TCF7L2: variants seen among roughly 807,000 people sequenced by gnomAD.
TCF7L2 encodes the protein transcription factor 7-like 2.
TCF7L2 carries 23 observed loss-of-function variants against 77.9 expected under a neutral mutation model. The observed-to-expected ratio is 0.30, with a 90% CI of 0.21 to 0.42. The LOEUF (loss-of-function observed/expected upper bound fraction) is 0.42. Ranked by LOEUF, TCF7L2 falls within the 10% of genes least tolerant of loss-of-function variation. TCF7L2 has a pLI of 1.00. For missense variants in TCF7L2, 654 were observed against 793.1 expected, an observed-to-expected ratio of 0.82 and a Z score of 2.11; for synonymous variants, 413 against 340.2, an observed-to-expected ratio of 1.21 and a Z score of -2.36.
intron 13 of TCF7L2, among the ~76,000 whole-genome samples, chr10:113,164,367 T>C (rs1272087624): frequency 1.3e-5 from 2 of 152,200 alleles, no homozygotes; most frequent in Non-Finnish European, 2.9e-5. Context: ...AAAATTAGTC[T>C]TTCTGGTTTA....
chr10:113,080,120 G>A (rs1379378200), intron 5 of TCF7L2, among the ~76,000 whole-genome samples: 1 of 151,608 alleles, frequency 6.6e-6, no homozygotes, highest in African/African-American at 2.4e-5. Flanking sequence ...ACAATTTAGG[G>A]TTTTCCCCCT....
At chr10:113,160,575 C>T (rs1158905705) in intron 12 of TCF7L2, 4 of 1,541,176 alleles carry the variant, frequency 2.6e-6, no homozygotes, top group Non-Finnish European at 3.5e-6. Flanking sequence ...CTGAGCACGA[C>T]CCACCATTGT....
chr10:113,075,460 C>CA (rs2058586779), intron 5 of TCF7L2, among the ~76,000 whole-genome samples: 1 of 19,896 alleles, frequency 5.0e-5, no homozygotes, highest in Admixed American at 5.6e-4. Flanking sequence ...ACTCTGTGTC[C>CA]AAAAAAAAAA....
chr10:113,159,542 A>G (rs2072690067), intron 12 of TCF7L2, among the ~76,000 whole-genome samples: 1 of 152,096 alleles, frequency 6.6e-6, no homozygotes, highest in South Asian at 2.1e-4. Flanking sequence ...AAATTGAGAG[A>G]AAAAAGGGAA....
intron 4 of TCF7L2, among the ~76,000 whole-genome samples, chr10:113,023,223 AAAGT>A (rs1195890820): frequency 1.3e-5 from 2 of 152,204 alleles, no homozygotes; most frequent in Non-Finnish European, 2.9e-5. Flanking sequence ...CGGTGTCTGC[AAAGT>A]GAGTTGGGCT....
chr10:113,074,139 C>T (rs576170876), intron 5 of TCF7L2, among the ~76,000 whole-genome samples: 1 of 152,300 alleles, frequency 6.6e-6, no homozygotes, highest in South Asian at 2.1e-4. Context: ...CTTCCTGGAG[C>T]ACAGACGTCA....
chr10:113,128,811 C>G (rs1281457484), intron 5 of TCF7L2, among the ~76,000 whole-genome samples: 4 of 152,144 alleles, frequency 2.6e-5, no homozygotes, highest in Non-Finnish European at 5.9e-5. Flanking sequence ...GTCTGAGTGT[C>G]TCAACTCAAG....
chr10:113,117,399 CT>C (rs2063900442), intron 5 of TCF7L2, among the ~76,000 whole-genome samples: 3 of 46,902 alleles, frequency 6.4e-5, no homozygotes, highest in Admixed American at 2.2e-4. Flanking sequence ...CTCTCTCTCT[CT>C]CTCTCTCTCT....
In TCF7L2 at chr10:113,146,632, TTTA is replaced by T. The variant is rs1448271513; in HGVS notation, c.875+536_875+538del. Among the ~76,000 whole-genome samples, 583 of 151,768 alleles carry T rather than the reference TTTA, an allele frequency of 3.8e-3. 1 individual carries two copies. Among genetic ancestry groups the T allele is most frequent in the African/African-American group, 0.013 (536 of 41,460 alleles). The stretch of plus-strand genomic sequence containing the variant: ...TTAAAAAAGTTTTTGTTTTTTTTTT[TTTA>T]AAAAAAAGATAAAGTTATTTTTAAT... On this transcript the variant is annotated intron_variant, in intron 8 of 13. Coordinates refer to ENST00000627217, the MANE Select transcript of TCF7L2 (RefSeq NM_001146274.2).
intron 4 of TCF7L2, among the ~76,000 whole-genome samples, chr10:113,020,035 T>A (rs2048027671): frequency 6.6e-6 from 1 of 152,176 alleles, no homozygotes; most frequent in East Asian, 1.9e-4. Flanking sequence ...TAATAGGTGG[T>A]GAGTGGGTGG....
At position 113,141,245 on chromosome 10, in the gene TCF7L2, C is replaced by T. The variant is rs2068321780; in HGVS notation, c.614C>T (p.Thr205Met). The T allele has an allele frequency of 1.2e-6, 2 of 1,614,182 alleles. No homozygotes were observed. Among genetic ancestry groups the T allele is most frequent in the Non-Finnish European group, 1.7e-6 (2 of 1,180,044 alleles). Residue 205 changes from threonine to methionine, a missense_variant, in exon 6 of 14, where the codon ACG becomes ATG. Physicochemically the swap from Thr to Met is moderately conservative, Grantham distance 81 (BLOSUM62 -1). Coordinates refer to ENST00000627217, the MANE Select transcript of TCF7L2 (RefSeq NM_001146274.2). ...GTCCACCCCCTCACGCCTCTTATCA[C>T]GTACAGCAATGAACACTTCACGCCG...
chr10:113,032,729 A>G (rs1222694805), intron 4 of TCF7L2, among the ~76,000 whole-genome samples: 1 of 152,206 alleles, frequency 6.6e-6, no homozygotes, highest in African/African-American at 2.4e-5. Flanking sequence ...ACCTCAGTCA[A>G]TCTGGGTCTT....
chr10:112,956,382 C>A (rs1344402169), intron 3 of TCF7L2, among the ~76,000 whole-genome samples: 2 of 138,430 alleles, frequency 1.4e-5, no homozygotes, highest in East Asian at 4.2e-4. Context: ...GCTGGAGTTG[C>A]CAAATAAATA....
chr10:113,043,804 C>T (rs2052925317), intron 5 of TCF7L2, among the ~76,000 whole-genome samples: 1 of 151,970 alleles, frequency 6.6e-6, no homozygotes, highest in African/African-American at 2.4e-5. Context: ...AAATGAGTGC[C>T]AAGCAGCTAA....
chr10:113,119,586 A>G (rs970047976), intron 5 of TCF7L2, among the ~76,000 whole-genome samples: 5 of 152,186 alleles, frequency 3.3e-5, no homozygotes, highest in African/African-American at 1.2e-4. Flanking sequence ...GAAGGTTATA[A>G]CTTGCAAGCA....
At chr10:113,140,987 C>A (rs1455360218) in intron 5 of TCF7L2, among the ~76,000 whole-genome samples, 197 bp from the exon 6 acceptor site, 1 of 152,112 alleles carries the variant, frequency 6.6e-6, no homozygotes, top group East Asian at 1.9e-4. Context: ...CTAAAGCAGA[C>A]CCACCCAGAG....
chr10:113,069,926 G>A (rs1300765139), intron 5 of TCF7L2, among the ~76,000 whole-genome samples: 1 of 152,076 alleles, frequency 6.6e-6, no homozygotes, highest in African/African-American at 2.4e-5. Flanking sequence ...GTCGGTGTCA[G>A]GGAGATCACT....
At position 113,152,009 on chromosome 10, in the gene TCF7L2, C is replaced by G; in HGVS notation, c.1161+125C>G. 2.2e-6 allele frequency: 3 copies of G among 1,353,242 alleles called. No homozygotes were observed. The South Asian group carries it at 4.4e-5, about 20-fold the overall frequency. 83.8% of individuals were successfully genotyped at this position (1,353,242 alleles called of 1,614,324 possible). A position where few individuals can be genotyped will look rare whatever the true frequency, so the allele number is the denominator to read the frequency against. ...AGAATTCTTGCCCTTCAGCCACATT[C>G]TGAATCCTTGAATGGCCTTCACTGA... On this transcript the variant is annotated intron_variant, in intron 10 of 13. Transcript: ENST00000627217.
chr10:113,063,202 G>A lies in TCF7L2; in HGVS notation c.552+23076G>A, dbSNP rs534750857. On this transcript the variant is annotated intron_variant, in intron 5 of 13. Coordinates refer to ENST00000627217, the MANE Select transcript of TCF7L2 (RefSeq NM_001146274.2). Reference sequence around the variant, plus strand: ...TAAGCTCATGACACCCGCCCCACCCGATGCCTACATATGTCTTATATCCTT... The same window carrying A: ...TAAGCTCATGACACCCGCCCCACCCAATGCCTACATATGTCTTATATCCTT... Among the ~76,000 whole-genome samples the A allele has an allele frequency of 4.2e-4, 64 of 152,192 alleles. 3 individuals are homozygous for A. The highest frequency in any genetic ancestry group is 3.7e-3 in the Admixed American group (56 of 15,294).
Sources: gnomAD v4.1 joint callset for allele counts (sites outside exome capture counted in the v4.1 genomes callset) on GRCh38, gnomAD v4.1.1 for gene constraint, MANE v1.5 for transcripts, NCBI Gene and HGNC (gene_info 2026-07-23, HGNC 2026-07-21) for gene names.